ENOX1: variants seen among roughly 807,000 people sequenced by gnomAD.
ENOX1 encodes the protein ecto-NOX disulfide-thiol exchanger 1, also known as candidate growth-related and time keeping constitutive hydroquinone (NADH) oxidase.
A neutral mutation model predicts 82.5 loss-of-function variants in ENOX1; 42 were observed. The ratio of observed to expected loss-of-function variants is 0.51; its 90% CI spans 0.40 to 0.66. The LOEUF (loss-of-function observed/expected upper bound fraction) is 0.66, where lower values mean the gene tolerates loss of function less well. Ranked by LOEUF, ENOX1 falls within the 30% of genes least tolerant of loss-of-function variation. The pLI is 0.00. For missense variants in ENOX1, 608 were observed against 811.6 expected (o/e 0.75, Z 3.05); for synonymous variants, 271 against 282.2 (o/e 0.96, Z 0.40).
intron 11 of ENOX1, among the ~76,000 whole-genome samples, chr13:43,310,876 G>GAAA (rs1242064170): frequency 3.9e-4 from 59 of 151,538 alleles, no homozygotes; most frequent in African/African-American, 1.4e-3. Context: ...TTCTCAATTA[G>GAAA]AAAAAAAGGT....
chr13:43,535,669 G>C (rs1242476843), intron 2 of ENOX1, among the ~76,000 whole-genome samples: 2 of 152,026 alleles, frequency 1.3e-5, no homozygotes, highest in Non-Finnish European at 2.9e-5. Flanking sequence ...CATATCATCA[G>C]GCTACTTGCT....
At chr13:43,556,553 G>A (rs1484854649) in intron 2 of ENOX1, among the ~76,000 whole-genome samples, 1 of 152,080 alleles carries the variant, frequency 6.6e-6, no homozygotes, top group Admixed American at 6.6e-5. Context: ...ATTTAGATAG[G>A]TCATAACTGG....
chr13:43,569,267 A>T (rs1182454628), intron 2 of ENOX1, among the ~76,000 whole-genome samples: 1 of 152,200 alleles, frequency 6.6e-6, no homozygotes, highest in African/African-American at 2.4e-5. Context: ...AGGCTCTCTT[A>T]GGAAGCATAT....
At position 43,236,143 on chromosome 13, in the gene ENOX1, G is replaced by T. The variant is rs537334671; in HGVS notation, c.1714+493C>A. Among the ~76,000 whole-genome samples, 3 of 152,272 alleles carry T rather than the reference G, an allele frequency of 2.0e-5. No individual in the cohort carries two copies. The East Asian group carries it at 5.8e-4, about 29-fold the overall frequency. On this transcript the variant is annotated intron_variant, in intron 15 of 16. Coordinates refer to ENST00000690772, the MANE Select transcript of ENOX1 (RefSeq NM_001347969.2). ...TACTTGGACAGGGAAGCCTGAAGCC[G>T]ATTGTCCTGGATTAGCCTAGCATCA...
chr13:43,258,821 G>A (rs183434465), intron 14 of ENOX1, among the ~76,000 whole-genome samples: 17 of 152,264 alleles, frequency 1.1e-4, no homozygotes, highest in African/African-American at 3.6e-4. Context: ...AAAAGGTCTC[G>A]TCTCCAGAGG....
At chr13:43,223,780 T>C (rs2041902744) in intron 16 of ENOX1, among the ~76,000 whole-genome samples, 1 of 152,334 alleles carries the variant, frequency 6.6e-6, no homozygotes, top group African/African-American at 2.4e-5. Flanking sequence ...GGTGAACCTA[T>C]ATTTTTAAAT....
intron 15 of ENOX1, among the ~76,000 whole-genome samples, chr13:43,230,632 C>G (rs758709148): frequency 2.0e-5 from 3 of 152,122 alleles, no homozygotes; most frequent in Non-Finnish European, 4.4e-5. Flanking sequence ...TACACACTTA[C>G]CACAGTGGTT....
At chr13:43,752,865 T>C (rs1489572476) in intron 1 of ENOX1, among the ~76,000 whole-genome samples, 1 of 152,082 alleles carries the variant, frequency 6.6e-6, no homozygotes, top group Admixed American at 6.5e-5. Context: ...CATTTCTTTT[T>C]TTTTTTTCTT....
At chr13:43,749,060 G>T (rs982386868) in intron 1 of ENOX1, among the ~76,000 whole-genome samples, 20 of 152,122 alleles carry the variant, frequency 1.3e-4, no homozygotes, top group African/African-American at 4.8e-4. Context: ...CACAGGTGAA[G>T]CACATTAAAA....
At chr13:43,742,159 G>C (rs1438700695) in intron 1 of ENOX1, among the ~76,000 whole-genome samples, 2 of 152,052 alleles carry the variant, frequency 1.3e-5, no homozygotes, top group Non-Finnish European at 2.9e-5. Context: ...GCTTGCCAGA[G>C]AAAAGGAACC....
At chr13:43,569,448 C>T (rs9533530) in intron 2 of ENOX1, among the ~76,000 whole-genome samples, 147,995 of 152,280 alleles carry the variant, frequency 0.97, 72,058 homozygotes, top group Non-Finnish European at 1. Context: ...TGCATCAATA[C>T]CTCAGACTCT....
In ENOX1 at chr13:43,470,249, CATAT is replaced by C. The variant is rs71861024; in HGVS notation, c.-75+13756_-75+13759del. 4.5e-3 allele frequency among the ~76,000 whole-genome samples: 239 copies of C among 52,670 alleles called. 25 individuals are homozygous for C. Among genetic ancestry groups the C allele is most frequent in the Middle Eastern group, 0.021 (2 of 94 alleles). The allele number at this position is 52,670 out of a possible 152,430, so 34.6% of individuals were successfully genotyped here. On this transcript the variant is annotated intron_variant, in intron 3 of 16. Coordinates refer to ENST00000690772, the MANE Select transcript of ENOX1 (RefSeq NM_001347969.2). ...GTATGTGTGTGTGTGTATATATATA[CATAT>C]ATATATACATATATATACACATATA...
chr13:43,235,407 C>T (rs1269574527), intron 15 of ENOX1, among the ~76,000 whole-genome samples: 2 of 152,140 alleles, frequency 1.3e-5, no homozygotes. Context: ...TTGTACCTGT[C>T]ATTTTTAGGT....
intron 2 of ENOX1, among the ~76,000 whole-genome samples, chr13:43,592,125 C>T (rs1388407558): frequency 1.3e-5 from 2 of 152,160 alleles, no homozygotes; most frequent in African/African-American, 2.4e-5. Flanking sequence ...AGTCATTCAC[C>T]TTAGTTGAAA....
At chr13:43,492,237 A>C (rs1354855802) in intron 2 of ENOX1, among the ~76,000 whole-genome samples, 1 of 152,156 alleles carries the variant, frequency 6.6e-6, no homozygotes, top group Non-Finnish European at 1.5e-5. Flanking sequence ...TGAGCTTGGA[A>C]ATATATTCTG....
intron 2 of ENOX1, among the ~76,000 whole-genome samples, chr13:43,657,843 A>G (rs1209104103): frequency 6.6e-6 from 1 of 152,224 alleles, no homozygotes; most frequent in Non-Finnish European, 1.5e-5. Flanking sequence ...TTCGGGCCTC[A>G]TTATTATTTT....
At chr13:43,427,513 C>T (rs1160167589) in intron 3 of ENOX1, among the ~76,000 whole-genome samples, 1 of 152,178 alleles carries the variant, frequency 6.6e-6, no homozygotes, top group Non-Finnish European at 1.5e-5. Context: ...AAGAGTCAGA[C>T]TAGAAGGTTC....
intron 14 of ENOX1, among the ~76,000 whole-genome samples, chr13:43,248,971 T>A (rs2043295806): frequency 6.6e-6 from 1 of 152,172 alleles, no homozygotes; most frequent in Non-Finnish European, 1.5e-5. Flanking sequence ...GAGACTTTGA[T>A]AGGAAAGGAT....
chr13:43,352,501 T>C (rs997034480), intron 8 of ENOX1, among the ~76,000 whole-genome samples: 4 of 152,214 alleles, frequency 2.6e-5, no homozygotes, highest in Admixed American at 2.6e-4. Context: ...CATTATCTCA[T>C]CTGCCTGGTT....
Sources: allele counts gnomAD v4.1 joint callset (sites outside exome capture counted in the v4.1 genomes callset), GRCh38; gene constraint gnomAD v4.1.1; transcripts MANE v1.5; gene names NCBI Gene and HGNC (gene_info 2026-07-23, HGNC 2026-07-21).